Variants in MYPN observed in about 807,000 individuals in gnomAD.
MYPN encodes the protein sarcomeric protein myopalladin, 145 kDa (MYOP).
MYPN carries 63 observed loss-of-function variants against 129.4 expected under a neutral mutation model. The observed-to-expected ratio is 0.49, with a 90% CI of 0.40 to 0.60. The LOEUF is 0.60. Among genes scored for constraint, MYPN ranks in the 20% least tolerant of loss-of-function variants. MYPN has a pLI of 0.00. For missense variants in MYPN, 1,596 were observed against 1,635.4 expected (o/e 0.98, Z 0.42); for synonymous variants, 629 against 600.9 (o/e 1.05, Z -0.68).
At chr10:68,128,844 A>G (rs979482349) in intron 2 of MYPN, among the ~76,000 whole-genome samples, 1 of 152,142 alleles carries the variant, frequency 6.6e-6, no homozygotes, top group Admixed American at 6.5e-5. Flanking sequence ...GGGAATAGAA[A>G]ATTTGAAGCC....
intron 2 of MYPN, among the ~76,000 whole-genome samples, chr10:68,125,547 A>G (rs983707042): frequency 6.6e-6 from 1 of 152,254 alleles, no homozygotes; most frequent in Non-Finnish European, 1.5e-5. Flanking sequence ...TGTTCGGCAC[A>G]GTGATCAATG....
intron 7 of MYPN, among the ~76,000 whole-genome samples, chr10:68,160,466 GA>G (rs988802915): frequency 2.3e-5 from 3 of 133,134 alleles, no homozygotes; most frequent in Non-Finnish European, 4.9e-5. Flanking sequence ...CAGAGAGAGA[GA>G]AAAAAAAACT....
chr10:68,208,274 C>T (rs1484924488), intron 19 of MYPN, among the ~76,000 whole-genome samples: 2 of 152,164 alleles, frequency 1.3e-5, no homozygotes, highest in Non-Finnish European at 2.9e-5. Flanking sequence ...TGATAGATCT[C>T]TCTGCTATTT....
intron 10 of MYPN, among the ~76,000 whole-genome samples, chr10:68,173,593 T>A (rs915082487): frequency 6.8e-6 from 1 of 147,618 alleles, no homozygotes; most frequent in Non-Finnish European, 1.5e-5. Flanking sequence ...TTTATTTATT[T>A]ATTTATTTAT....
Position 68,174,311 on chromosome 10 carries a change from C to T in MYPN, c.2219C>T (p.Ser740Phe), listed in dbSNP as rs1392516264. The T allele has an allele frequency of 3.1e-6, 5 of 1,614,058 alleles. No individual in the cohort carries two copies. In the Admixed American group the frequency reaches 8.3e-5, roughly 27 times the overall value. ...ACCACCGCAGCAACTGTGGCCCCTT[C>T]CAGCTCTCCGGTGTTCACTTTGAGC... ...TNTTAATVAP[S>F]SSPVFTLSST... Residue 740 changes from serine (S) to phenylalanine (F), a missense_variant, in exon 11 of 20, where the codon TCC becomes TTC. Coordinates refer to ENST00000358913, the MANE Select transcript of MYPN (RefSeq NM_032578.4).
intron 12 of MYPN, among the ~76,000 whole-genome samples, chr10:68,179,249 A>G (rs2043276796): frequency 6.6e-6 from 1 of 152,118 alleles, no homozygotes; most frequent in Non-Finnish European, 1.5e-5. Context: ...TTGGCCTTAC[A>G]TTCTACTTTG....
chr10:68,166,192 C>A, intron 9 of MYPN, 102 bp from the exon 10 acceptor site: 1 of 1,348,872 alleles, frequency 7.4e-7, no homozygotes, highest in Non-Finnish European at 1.1e-6. Context: ...AGCATTTTCC[C>A]ATTCATACAT....
At position 68,199,519 on chromosome 10, in the gene MYPN, G is replaced by T. The variant is rs1283966908; in HGVS notation, c.3437G>T (p.Cys1146Phe). The part of the protein sequence containing the change: ...LTQRDAGTYK[C>F]IATNKTGQNS... Reference sequence around the variant, plus strand: ...CAGCGCGACGCAGGGACCTATAAGTGCATCGCTACCAACAAAACCGGGCAG... The same window carrying T: ...CAGCGCGACGCAGGGACCTATAAGTTCATCGCTACCAACAAAACCGGGCAG... The change falls in exon 17 of 20, where the codon TGC (cysteine) becomes TTC (phenylalanine). Residue 1146 changes from cysteine (C) to phenylalanine (F), a missense_variant. Coordinates refer to ENST00000358913, the MANE Select transcript of MYPN (RefSeq NM_032578.4). 4 of 1,614,154 alleles carry T rather than the reference G, an allele frequency of 2.5e-6. No homozygotes were observed. The highest frequency in any genetic ancestry group is 2.5e-6 in the Non-Finnish European group (3 of 1,180,032).
At chr10:68,198,865 G>A (rs1040063696) in intron 16 of MYPN, among the ~76,000 whole-genome samples, 1 of 151,936 alleles carries the variant, frequency 6.6e-6, no homozygotes, top group African/African-American at 2.4e-5. Flanking sequence ...CTGTTGGGGG[G>A]ATGGGAGGGG....
At chr10:68,135,288 G>A (rs748886112) in intron 2 of MYPN, among the ~76,000 whole-genome samples, 1 of 152,078 alleles carries the variant, frequency 6.6e-6, no homozygotes, top group Non-Finnish European at 1.5e-5. Flanking sequence ...TTAAAACATA[G>A]ACATATCCTC....
chr10:68,207,796 C>T (rs990532257), intron 19 of MYPN, among the ~76,000 whole-genome samples: 2 of 152,160 alleles, frequency 1.3e-5, no homozygotes, highest in Admixed American at 6.6e-5. Context: ...CTTCATTTAA[C>T]GCTGAAAATT....
At chr10:68,091,111 C>G (rs1396646896) in intron 1 of MYPN, among the ~76,000 whole-genome samples, 1 of 152,076 alleles carries the variant, frequency 6.6e-6, no homozygotes, top group Non-Finnish European at 1.5e-5. Flanking sequence ...TACGAGGAAA[C>G]TTATTTTTTA....
At chr10:68,150,527 C>T (rs1490439816) in intron 6 of MYPN, among the ~76,000 whole-genome samples, 1 of 150,268 alleles carries the variant, frequency 6.7e-6, no homozygotes, top group African/African-American at 2.4e-5. Context: ...CTCCCTCCCT[C>T]TAGGACAAAG....
At chr10:68,088,366 G>A (rs574802962) in intron 1 of MYPN, among the ~76,000 whole-genome samples, 225 of 152,296 alleles carry the variant, frequency 1.5e-3, no homozygotes, top group African/African-American at 5.2e-3. Flanking sequence ...AATACAAATA[G>A]GACTCAGTGG....
intron 18 of MYPN, among the ~76,000 whole-genome samples, chr10:68,204,927 A>G (rs916334106): frequency 8.6e-5 from 13 of 151,872 alleles, no homozygotes; most frequent in African/African-American, 3.1e-4. Flanking sequence ...GGAATATGCC[A>G]TGATCCCTCC....
chr10:68,160,265 C>CA (rs1489957133), intron 7 of MYPN, among the ~76,000 whole-genome samples: 6 of 148,740 alleles, frequency 4.0e-5, no homozygotes, highest in Admixed American at 6.7e-5. Context: ...ACAACAAAAA[C>CA]AAAAAAAACC....
At chr10:68,177,822 A>G (rs1473020814) in intron 12 of MYPN, among the ~76,000 whole-genome samples, 1 of 152,202 alleles carries the variant, frequency 6.6e-6, no homozygotes, top group Non-Finnish European at 1.5e-5. Flanking sequence ...ATTCCTTCGG[A>G]AGAGTATGCA....
rs2043589141 is a variant in MYPN, at chr10:68,195,491, G to A, written c.3117G>A (p.Leu1039=). 1 of 1,614,014 alleles carries A rather than the reference G, an allele frequency of 6.2e-7. No homozygotes were observed. Among genetic ancestry groups the A allele is most frequent in the Non-Finnish European group, 8.5e-7 (1 of 1,179,938 alleles). Residue 1039 remains leucine (L), a synonymous_variant, in exon 15 of 20, where the codon TTG becomes TTA. Coordinates refer to ENST00000358913, the MANE Select transcript of MYPN (RefSeq NM_032578.4). ...SCSGHLMVQS[L]PIRSRLTSAG... ...CTGGCCACTTGATGGTACAAAGTTT[G>A]CCCATTCGCAGTCGGCTAACCTCTG... is the stretch of plus-strand genomic sequence containing the variant.
In MYPN at chr10:68,158,570, T is replaced by C; in HGVS notation, c.1402T>C (p.Trp468Arg). ...AGGAGCTCCATCTCCTAAGGTTGAG[T>C]GGTATAGAGAAGGGACTTTAATAGA... Reference protein sequence around the residue: ...VKGAPSPKVEWYREGTLIEDS... With the variant: ...VKGAPSPKVERYREGTLIEDS... The change falls in exon 7 of 20, where the codon TGG (tryptophan) becomes CGG (arginine). Residue 468 changes from tryptophan to arginine, a missense_variant. Physicochemically the swap from Trp to Arg is moderately radical, Grantham distance 101. Coordinates refer to ENST00000358913, the MANE Select transcript of MYPN (RefSeq NM_032578.4). 6.2e-7 allele frequency: 1 copy of C among 1,610,560 alleles called. No individual in the cohort carries two copies.
Sources: gnomAD v4.1 joint callset for allele counts (sites outside exome capture counted in the v4.1 genomes callset) on GRCh38, gnomAD v4.1.1 for gene constraint, MANE v1.5 for transcripts, NCBI Gene and HGNC (gene_info 2026-07-23, HGNC 2026-07-21) for gene names.